The following ZNF133 variants were observed in gnomAD, a reference collection of about 807,000 sequenced individuals.
ZNF133 encodes the protein zinc finger protein 133 (clone pHZ-13).
In ZNF133, 26 loss-of-function variants were observed where a neutral mutation model predicts 54.9. The observed-to-expected ratio is 0.47, with a 90% CI of 0.35 to 0.66. The LOEUF (loss-of-function observed/expected upper bound fraction) is 0.66, where lower values mean the gene tolerates loss of function less well. Among genes scored for constraint, ZNF133 ranks in the 30% least tolerant of loss-of-function variants. The probability of loss-of-function intolerance (pLI) is 0.01; values close to 1 mark genes in which losing one functional copy is unlikely to be tolerated. For missense variants in ZNF133, 653 were observed against 820.8 expected (o/e 0.80, Z 2.50); for synonymous variants, 298 against 320.3 (o/e 0.93, Z 0.74).
intron 3 of ZNF133, among the ~76,000 whole-genome samples, chr20:18,299,196 G>A (rs1210625105): frequency 6.6e-6 from 1 of 152,184 alleles, no homozygotes; most frequent in African/African-American, 2.4e-5. Flanking sequence ...AAAGGAAGAT[G>A]TGGAGAAAGT....
chr20:18,293,855 G>C (rs1177380810), intron 1 of ZNF133, among the ~76,000 whole-genome samples: 1 of 147,382 alleles, frequency 6.8e-6, no homozygotes. Flanking sequence ...TAAATAACTG[G>C]ATACAAATAA....
chr20:18,302,737 G>C (rs1349335885), intron 3 of ZNF133, among the ~76,000 whole-genome samples: 3 of 152,212 alleles, frequency 2.0e-5, no homozygotes, highest in Non-Finnish European at 2.9e-5. Flanking sequence ...ATGGGAAAAA[G>C]CGAAGTTATC....
At position 18,297,369 on chromosome 20, in the gene ZNF133, TG is replaced by T. The variant is rs374654094; in HGVS notation, c.-431-615del. 5.5e-3 allele frequency among the ~76,000 whole-genome samples: 835 copies of T among 152,286 alleles called. 15 individuals are homozygous for T. The highest frequency in any genetic ancestry group is 0.051 in the South Asian group (245 of 4,828). On this transcript the variant is annotated intron_variant, in intron 1 of 6. Transcript: ENST00000425686. ...TTTCAAAAGTTTGTTGAAATCTTTT[TG>T]TTTCTTTACTTTTTTTGTCCATTTC...
chr20:18,316,449 A>T lies in ZNF133; in HGVS notation c.1598A>T (p.His533Leu), dbSNP rs1471420341. ...CGAGAGTGCGGGCGAGGCTTTAGCC[A>T]CCAGGCCGGTCTCATCAGGCACAAG... ...VCRECGRGFS[H>L]QAGLIRHKRK... Residue 533 changes from histidine to leucine, a missense_variant, in exon 7 of 7, where the codon CAC becomes CTC. Physicochemically the swap from His to Leu is moderately conservative, Grantham distance 99. This residue lies in a region of ZNF133 where 292 missense variants were observed against 431.6 expected (regional missense o/e 0.68). Transcript: ENST00000425686. 1 of 1,614,192 alleles carries T rather than the reference A, an allele frequency of 6.2e-7. No homozygotes were observed. The highest frequency in any genetic ancestry group is 1.1e-5 in the South Asian group (1 of 91,088).
chr20:18,316,892 T>G lies in ZNF133; in HGVS notation c.*76T>G. ...AAATGGAGTAGAGAAATGCATTCTG[T>G]AAGTGGTCAAAGGACATTTGACTGT... is the stretch of plus-strand genomic sequence containing the variant. On this transcript the variant is annotated 3_prime_UTR_variant, in exon 7 of 7. Transcript: ENST00000425686. The G allele has an allele frequency of 6.7e-7, 1 of 1,484,112 alleles. No individual in the cohort carries two copies. The highest frequency in any genetic ancestry group is 9.0e-7 in the Non-Finnish European group (1 of 1,111,236). 91.9% of individuals were successfully genotyped at this position (1,484,112 alleles called of 1,614,324 possible).
rs541653884 is a variant in ZNF133, at chr20:18,305,949, G to A, written c.121+142G>A. The A allele has an allele frequency of 8.7e-7, 1 of 1,142,994 alleles. No homozygotes were observed. Among genetic ancestry groups the A allele is most frequent in the Admixed American group, 2.8e-5 (1 of 35,324 alleles). The allele number at this position is 1,142,994 out of a possible 1,614,324, so 70.8% of individuals were successfully genotyped here. A position where few individuals can be genotyped will look rare whatever the true frequency, so the allele number is the denominator to read the frequency against. ...TTTTATTCGTGTTTCCCCAGGGAGGGTCTGATTTTGCAGAGTGGAAAATGG... is the reference window on the plus strand; with the variant it reads ...TTTTATTCGTGTTTCCCCAGGGAGGATCTGATTTTGCAGAGTGGAAAATGG... On this transcript the variant is annotated intron_variant, in intron 5 of 6. Transcript: ENST00000425686. The surrounding 1 kb of genome is among the most constrained non-coding windows in gnomAD (Gnocchi z 4.7).
At chr20:18,290,850 C>T (rs1023155869) in intron 1 of ZNF133, among the ~76,000 whole-genome samples, 3 of 152,114 alleles carry the variant, frequency 2.0e-5, no homozygotes, top group African/African-American at 4.8e-5. Context: ...TCCTCCTGGC[C>T]GGGCACAGTG....
At chr20:18,295,594 T>C (rs2042069637) in intron 1 of ZNF133, 1 of 152,242 alleles carries the variant, frequency 6.6e-6, no homozygotes, top group African/African-American at 2.4e-5. Flanking sequence ...TATTAATTCC[T>C]GTCTTTGTGC....
At chr20:18,295,935 C>G (rs1436367578) in intron 1 of ZNF133, among the ~76,000 whole-genome samples, 2 of 152,116 alleles carry the variant, frequency 1.3e-5, no homozygotes, top group African/African-American at 2.4e-5. Flanking sequence ...TTTCCCTTAC[C>G]TCACTGTGTT....
chr20:18,297,926 TCA>T, intron 1 of ZNF133, 57 bp from the exon 2 acceptor site: 7 of 1,155,310 alleles, frequency 6.1e-6, no homozygotes, highest in Non-Finnish European at 8.7e-6. Flanking sequence ...AGGCCCTGCT[TCA>T]CTCATGGGGA....
intron 2 of ZNF133, 81 bp from the exon 3 acceptor site, chr20:18,298,208 C>G: frequency 1.3e-6 from 2 of 1,501,510 alleles, no homozygotes; most frequent in East Asian, 4.9e-5. Context: ...TCTGCAAAAC[C>G]CATGACACAG....
intron 3 of ZNF133, among the ~76,000 whole-genome samples, chr20:18,302,628 A>G (rs1019385917): frequency 1.3e-5 from 2 of 152,236 alleles, no homozygotes; most frequent in African/African-American, 2.4e-5. Flanking sequence ...AACATCAGCA[A>G]TAAGGCAGCA....
At position 18,315,691 on chromosome 20, in the gene ZNF133, C is replaced by G. The variant is rs889063942; in HGVS notation, c.840C>G (p.Asn280Lys). 10 of 1,613,710 alleles carry G rather than the reference C, an allele frequency of 6.2e-6. No homozygotes were observed. Among genetic ancestry groups the G allele is most frequent in the Non-Finnish European group, 6.8e-6 (8 of 1,179,796 alleles). The change falls in exon 7 of 7, where the codon AAC (asparagine) becomes AAG (lysine). Residue 280 changes from asparagine to lysine, a missense_variant. By Grantham distance (94) the Asn-to-Lys change is moderately conservative (BLOSUM62 0). Coordinates refer to ENST00000425686, the MANE Select transcript of ZNF133 (RefSeq NM_001352452.2). ...GCAGGGAGTGTGGACGAGGCTTTAA[C>G]CGGAAGTCAACGCTAATCATACACG... ...IVCRECGRGF[N>K]RKSTLIIHER... is the part of the protein sequence containing the mutation.
intron 1 of ZNF133, among the ~76,000 whole-genome samples, chr20:18,288,947 A>AT (rs1259524111): frequency 6.6e-6 from 1 of 152,166 alleles, no homozygotes; most frequent in Non-Finnish European, 1.5e-5. Context: ...CGCTGATGCC[A>AT]TAAGTCCCCG....
chr20:18,315,191 G>T lies in ZNF133; in HGVS notation c.340G>T (p.Glu114Ter). Reference sequence around the variant, plus strand: ...CTGGATCTTCACATGCTTGTGTGCAGAAGGTAACATCCAGCCTGGGGATCC... The same window carrying T: ...CTGGATCTTCACATGCTTGTGTGCATAAGGTAACATCCAGCCTGGGGATCC... ...PPWIFTCLCA[E>*]GNIQPGDPGP... The change falls in exon 7 of 7, where the codon GAA becomes TAA. Residue 114 changes from glutamate to a stop codon, truncating the protein, a stop_gained. Transcript: ENST00000425686. LOFTEE classifies it high-confidence loss of function. 1 of 1,613,884 alleles carries T rather than the reference G, an allele frequency of 6.2e-7. No homozygotes were observed. Among genetic ancestry groups the T allele is most frequent in the Non-Finnish European group, 8.5e-7 (1 of 1,179,886 alleles).
chr20:18,299,465 T>A (rs928760020), intron 3 of ZNF133, among the ~76,000 whole-genome samples: 1 of 152,096 alleles, frequency 6.6e-6, no homozygotes, highest in Admixed American at 6.6e-5. Flanking sequence ...ATCAAGTGGA[T>A]CAACTATGCC....
At chr20:18,308,683 T>C (rs2045205593) in intron 6 of ZNF133, among the ~76,000 whole-genome samples, 1 of 151,972 alleles carries the variant, frequency 6.6e-6, no homozygotes, top group Admixed American at 6.6e-5. Context: ...ATAAAAACAT[T>C]GTCATTTGGG....
chr20:18,308,243 A>G lies in ZNF133; in HGVS notation c.217+1850A>G, dbSNP rs572554714. On this transcript the variant is annotated intron_variant, in intron 6 of 6. Transcript: ENST00000425686. ...TTTTGACAGTTTTATAAATGTTTGCACAGAAGTATATATTTTCTTTTTCTG... is the reference window on the plus strand; with the variant it reads ...TTTTGACAGTTTTATAAATGTTTGCGCAGAAGTATATATTTTCTTTTTCTG... 3.3e-5 allele frequency among the ~76,000 whole-genome samples: 5 copies of G among 152,312 alleles called. No individual in the cohort carries two copies. The South Asian group carries it at 1.0e-3, about 32-fold the overall frequency.
intron 3 of ZNF133, among the ~76,000 whole-genome samples, chr20:18,302,898 A>G (rs1361491093): frequency 1.3e-5 from 2 of 152,220 alleles, no homozygotes; most frequent in East Asian, 1.9e-4. Context: ...AAAATGAGGA[A>G]AACAATTTCA....
Sources: gnomAD v4.1 joint callset for allele counts (sites outside exome capture counted in the v4.1 genomes callset) on GRCh38, gnomAD v4.1.1 for gene constraint, gnomAD v4.1.1 regional missense constraint, Gnocchi (gnomAD v3.1) non-coding constraint, MANE v1.5 for transcripts, NCBI Gene and HGNC (gene_info 2026-07-23, HGNC 2026-07-21) for gene names.